AP1AR: variants seen among roughly 807,000 people sequenced by gnomAD.
The protein encoded by AP1AR is adaptor related protein complex 1 associated regulatory protein.
AP1AR carries 29 observed loss-of-function variants against 46.3 expected under a neutral mutation model. That is an observed-to-expected ratio of 0.63 (90% CI 0.47 to 0.85). AP1AR has a LOEUF of 0.85. Ranked by LOEUF, AP1AR falls within the 40% of genes least tolerant of loss-of-function variation. The probability of loss-of-function intolerance (pLI) is 0.00; values close to 1 mark genes in which losing one functional copy is unlikely to be tolerated. For missense variants in AP1AR, 357 were observed against 356.3 expected (o/e 1.00, Z -0.02); for synonymous variants, 122 against 122.9 (o/e 0.99, Z 0.05).
chr4:112,232,559 A>G (rs1487168827), intron 1 of AP1AR, among the ~76,000 whole-genome samples: 1 of 152,256 alleles, frequency 6.6e-6, no homozygotes, highest in East Asian at 1.9e-4. Context: ...GTATCCCTGT[A>G]TCTGACCCTC....
intron 1 of AP1AR, among the ~76,000 whole-genome samples, chr4:112,247,148 C>T (rs2110474526): frequency 6.6e-6 from 1 of 152,060 alleles, no homozygotes; most frequent in Non-Finnish European, 1.5e-5. Flanking sequence ...AAGTAAAATC[C>T]CTAGAAACAA....
At chr4:112,247,779 C>T (rs6832849) in intron 1 of AP1AR, among the ~76,000 whole-genome samples, 1 of 152,124 alleles carries the variant, frequency 6.6e-6, no homozygotes, top group Non-Finnish European at 1.5e-5. Flanking sequence ...GTTGTTACAG[C>T]TAATAGATTC....
chr4:112,260,042 A>G (rs760731814), intron 4 of AP1AR, among the ~76,000 whole-genome samples: 10 of 152,200 alleles, frequency 6.6e-5, no homozygotes, highest in Non-Finnish European at 1.2e-4. Flanking sequence ...TGCCACATAT[A>G]TATAAAAGGA....
chr4:112,256,556 C>T (rs1445254196), intron 3 of AP1AR, among the ~76,000 whole-genome samples: 1 of 152,182 alleles, frequency 6.6e-6, no homozygotes, highest in Admixed American at 6.5e-5. Context: ...CTCTTCTCCT[C>T]TCTAATTTAC....
chr4:112,234,868 A>C (rs1725175173), intron 1 of AP1AR, among the ~76,000 whole-genome samples: 2 of 152,172 alleles, frequency 1.3e-5, no homozygotes, highest in African/African-American at 4.8e-5. Flanking sequence ...TTATGATCTA[A>C]GGCCTGGTTT....
intron 5 of AP1AR, among the ~76,000 whole-genome samples, 186 bp downstream of exon 5, chr4:112,261,048 C>G (rs1000852352): frequency 6.6e-6 from 1 of 152,166 alleles, no homozygotes; most frequent in African/African-American, 2.4e-5. Flanking sequence ...TATCAGAAAT[C>G]ATATGCTGCC....
chr4:112,249,957 T>G (rs1403392249), intron 1 of AP1AR, among the ~76,000 whole-genome samples: 1 of 152,232 alleles, frequency 6.6e-6, no homozygotes, highest in African/African-American at 2.4e-5. Flanking sequence ...TCACAAATTG[T>G]TAGCTCCAAG....
chr4:112,238,264 C>T (rs1725338556), intron 1 of AP1AR, among the ~76,000 whole-genome samples: 1 of 152,228 alleles, frequency 6.6e-6, no homozygotes, highest in Non-Finnish European at 1.5e-5. Context: ...TTTGAACTTG[C>T]AGGATCTACA....
intron 1 of AP1AR, among the ~76,000 whole-genome samples, chr4:112,239,868 G>T (rs1457707445): frequency 6.6e-6 from 1 of 152,208 alleles, no homozygotes; most frequent in Non-Finnish European, 1.5e-5. Flanking sequence ...TGTATCTCCA[G>T]TGTACCAGCG....
At chr4:112,249,877 A>G (rs1178781429) in intron 1 of AP1AR, among the ~76,000 whole-genome samples, 7 of 152,154 alleles carry the variant, frequency 4.6e-5, no homozygotes, top group African/African-American at 1.7e-4. Context: ...GGAAAACAGC[A>G]TGAGGTACTT....
chr4:112,261,473 C>G (rs1472146052), intron 5 of AP1AR, among the ~76,000 whole-genome samples: 1 of 151,908 alleles, frequency 6.6e-6, no homozygotes, highest in Non-Finnish European at 1.5e-5. Context: ...AAAAAATTAC[C>G]CTGTTTCACA....
rs1726799795 is a variant in AP1AR, at chr4:112,268,389, A to G, written c.889A>G (p.Thr297Ala). 1.2e-6 allele frequency: 2 copies of G among 1,600,102 alleles called. No individual in the cohort carries two copies. The highest frequency in any genetic ancestry group is 4.5e-5 in the East Asian group (2 of 44,692). ...TGATTCTGGCATAAGGCATTCTGAC[A>G]CAGATCAACAGACTCGATAGGGTAA... is the stretch of plus-strand genomic sequence containing the variant. ...LSDSGIRHSD[T>A]DQQTR is the part of the protein sequence containing the mutation. The change falls in exon 10 of 10, where the codon ACA becomes GCA. Residue 297 changes from threonine to alanine, a missense_variant. Transcript: ENST00000274000.
chr4:112,268,380 C>T lies in AP1AR; in HGVS notation c.880C>T (p.His294Tyr). 1 of 1,606,176 alleles carries T rather than the reference C, an allele frequency of 6.2e-7. No homozygotes were observed. Among genetic ancestry groups the T allele is most frequent in the Non-Finnish European group, 8.5e-7 (1 of 1,175,630 alleles). The change falls in exon 10 of 10, where the codon CAT (histidine) becomes TAT (tyrosine). Residue 294 changes from histidine to tyrosine, a missense_variant. This residue lies in a region of AP1AR where 88 missense variants were observed against 132.7 expected (regional missense o/e 0.66). Transcript: ENST00000274000. ...AGAACTGTCTGATTCTGGCATAAGG[C>T]ATTCTGACACAGATCAACAGACTCG... ...VLELSDSGIR[H>Y]SDTDQQTR
At position 112,232,692 on chromosome 4, in the gene AP1AR, GCTACAAA is replaced by G. The variant is rs564680536; in HGVS notation, c.83+519_83+525del. ...TTCCAGATACTGATGAACTCTGGTAGCTACAAAGACTTGCTGAATTGCAGAGTTCCCA... is the reference window on the plus strand; with the variant it reads ...TTCCAGATACTGATGAACTCTGGTAGGACTTGCTGAATTGCAGAGTTCCCA... On this transcript the variant is annotated intron_variant, in intron 1 of 9. Transcript: ENST00000274000. Among the ~76,000 whole-genome samples, 134 of 152,342 alleles carry G rather than the reference GCTACAAA, an allele frequency of 8.8e-4. 3 individuals carry two copies. The South Asian group carries it at 0.027, about 31-fold the overall frequency.
chr4:112,242,161 TG>T (rs1324417948), intron 1 of AP1AR, among the ~76,000 whole-genome samples: 1 of 152,248 alleles, frequency 6.6e-6, no homozygotes, highest in Non-Finnish European at 1.5e-5. Flanking sequence ...CATAAAATAC[TG>T]CATTTTAAGC....
rs1726039036 is a variant in AP1AR at position 112,253,244 on chromosome 4, C to G, written c.120C>G (p.His40Gln). ...KYFRTCSRGE[H>Q]LTIEFENLVE... ...TTAGAACATGCTCAAGAGGTGAGCA[C>G]TTAACAATAGAGGTAAGTAGTCCTT... Residue 40 changes from histidine (H) to glutamine (Q), a missense_variant, in exon 2 of 10, where the codon CAC becomes CAG. This residue lies in a region of AP1AR where 269 missense variants were observed against 223.6 expected (regional missense o/e 1.20). Transcript: ENST00000274000. The G allele has an allele frequency of 1.2e-6, 2 of 1,610,616 alleles. No homozygotes were observed. Among genetic ancestry groups the G allele is most frequent in the African/African-American group, 1.3e-5 (1 of 74,696 alleles).
At chr4:112,264,968 T>C in intron 6 of AP1AR, 41 bp from the exon 7 acceptor site, 1 of 1,510,046 alleles carries the variant, frequency 6.6e-7, no homozygotes, top group Non-Finnish European at 9.0e-7. Context: ...TATATAATTT[T>C]ACAACAGAGT....
chr4:112,235,567 A>G (rs1404372622), intron 1 of AP1AR, among the ~76,000 whole-genome samples: 1 of 152,142 alleles, frequency 6.6e-6, no homozygotes, highest in Non-Finnish European at 1.5e-5. Context: ...TAAGTACTTT[A>G]TATTATCTCA....
rs898270390 is a variant in AP1AR, at chr4:112,270,904, G to A, written c.*2495G>A. On this transcript the variant is annotated 3_prime_UTR_variant, in exon 10 of 10. Transcript: ENST00000274000. ...TTTTCAAACGATTGCTTTAGTTGCTGTGTAGAGAATGGATTGTAAGAAGGC... is the reference window on the plus strand; with the variant it reads ...TTTTCAAACGATTGCTTTAGTTGCTATGTAGAGAATGGATTGTAAGAAGGC... 6.6e-6 allele frequency among the ~76,000 whole-genome samples: 1 copy of A among 152,224 alleles called. No homozygotes were observed. Among genetic ancestry groups the A allele is most frequent in the Non-Finnish European group, 1.5e-5 (1 of 68,038 alleles).
Sources: gnomAD v4.1 joint callset for allele counts (sites outside exome capture counted in the v4.1 genomes callset) on GRCh38, gnomAD v4.1.1 for gene constraint, gnomAD v4.1.1 regional missense constraint, MANE v1.5 for transcripts, NCBI Gene and HGNC (gene_info 2026-07-23, HGNC 2026-07-21) for gene names.